METTL25: variants seen among roughly 807,000 people sequenced by gnomAD.
The protein encoded by METTL25 is methyltransferase like 25.
Under a neutral mutation model 71.6 loss-of-function variants are expected in METTL25, and 64 were observed. The observed-to-expected ratio is 0.89, with a 90% CI of 0.73 to 1.10. The LOEUF (loss-of-function observed/expected upper bound fraction) is 1.10, where lower values mean the gene tolerates loss of function less well. Ranked by LOEUF, METTL25 falls within the 50% of genes least tolerant of loss-of-function variation. The probability of loss-of-function intolerance (pLI) is 0.00; values close to 1 mark genes in which losing one functional copy is unlikely to be tolerated. For synonymous variants in METTL25, 287 were observed against 250.3 expected (o/e 1.15, Z -1.38); for missense variants, 807 against 707.0 (o/e 1.14, Z -1.60).
intron 1 of METTL25, among the ~76,000 whole-genome samples, chr12:82,362,922 G>A (rs1882120986): frequency 6.6e-6 from 1 of 151,136 alleles, no homozygotes; most frequent in Non-Finnish European, 1.5e-5. Flanking sequence ...AGAAATATAA[G>A]AAGAGGTTAC....
rs1163114058 is a variant in METTL25 at position 82,386,959 on chromosome 12, A to G, written c.416A>G (p.Gln139Arg). The change falls in exon 2 of 12, where the codon CAG (glutamine) becomes CGG (arginine). Residue 139 changes from glutamine (Q) to arginine (R), a missense_variant. By Grantham distance (43) the Gln-to-Arg change is conservative (BLOSUM62 1). Transcript: ENST00000248306. ...GTAGCCCTTCGAGGAAATCAAAACC[A>G]GAGAATTGGTATGTCTATTTATGTG... The part of the protein sequence containing the change: ...LLVALRGNQN[Q>R]RIGENQKAVE... The G allele has an allele frequency of 6.2e-7, 1 of 1,612,204 alleles. No individual in the cohort carries two copies. The highest frequency in any genetic ancestry group is 1.3e-5 in the African/African-American group (1 of 74,848).
At chr12:82,397,867 GCTATA>G (rs1429828026) in intron 3 of METTL25, among the ~76,000 whole-genome samples, 2 of 151,832 alleles carry the variant, frequency 1.3e-5, no homozygotes, top group Admixed American at 6.6e-5. Flanking sequence ...ACTAGCTGTA[GCTATA>G]CTACACTGTT....
chr12:82,368,393 G>A (rs1882814552), intron 1 of METTL25, among the ~76,000 whole-genome samples: 1 of 152,022 alleles, frequency 6.6e-6, no homozygotes, highest in Non-Finnish European at 1.5e-5. Context: ...CACACCCCTG[G>A]AATTGTAGCT....
chr12:82,450,170 T>A (rs1225556690), intron 8 of METTL25, among the ~76,000 whole-genome samples: 2 of 152,094 alleles, frequency 1.3e-5, no homozygotes, highest in Non-Finnish European at 2.9e-5. Context: ...AACCTCTAAT[T>A]GTTGAGGTGG....
rs1019342165 is a variant in METTL25, at chr12:82,443,284, C to T, written c.1478+4493C>T. Among the ~76,000 whole-genome samples, 8 of 151,364 alleles carry T rather than the reference C, an allele frequency of 5.3e-5. 1 individual carries two copies. The South Asian group carries it at 1.7e-3, about 32-fold the overall frequency. On this transcript the variant is annotated intron_variant, in intron 8 of 11. Transcript: ENST00000248306. ...ACAAAGGGAAAATTCTTAAAGCAGCCAGAGGTGAGAGGAGTGAAGGAGGGA... is the reference window on the plus strand; with the variant it reads ...ACAAAGGGAAAATTCTTAAAGCAGCTAGAGGTGAGAGGAGTGAAGGAGGGA...
At chr12:82,407,773 A>G (rs1364598567) in intron 5 of METTL25, 6 of 977,362 alleles carry the variant, frequency 6.1e-6, no homozygotes, top group Non-Finnish European at 7.3e-6. Flanking sequence ...ATGTGGAAAA[A>G]TAAGTGATAG....
At chr12:82,469,182 C>G (rs1406266722) in intron 9 of METTL25, among the ~76,000 whole-genome samples, 1 of 152,146 alleles carries the variant, frequency 6.6e-6, no homozygotes, top group African/African-American at 2.4e-5. Context: ...TGGTGTTTCT[C>G]ACTTTTTTGG....
At chr12:82,392,069 A>ATT (rs56290985) in intron 3 of METTL25, among the ~76,000 whole-genome samples, 2 of 148,380 alleles carry the variant, frequency 1.3e-5, no homozygotes, top group African/African-American at 4.9e-5. Flanking sequence ...GCCCATTTTT[A>ATT]TTTTTTTATT....
chr12:82,390,899 A>G (rs1885514131), intron 3 of METTL25, among the ~76,000 whole-genome samples: 1 of 152,054 alleles, frequency 6.6e-6, no homozygotes, highest in Non-Finnish European at 1.5e-5. Context: ...GTTTCTAAAT[A>G]TCTTTCAGGT....
chr12:82,359,003 A>T, intron 1 of METTL25, 179 bp downstream of exon 1: 1 of 661,466 alleles, frequency 1.5e-6, no homozygotes, highest in Non-Finnish European at 2.6e-6. Flanking sequence ...TGTTCTTTGG[A>T]ATCAGGATCA....
intron 8 of METTL25, among the ~76,000 whole-genome samples, chr12:82,451,051 G>A (rs1441588025): frequency 2.0e-5 from 3 of 151,364 alleles, no homozygotes; most frequent in Non-Finnish European, 4.4e-5. Flanking sequence ...GTTTCCTTTC[G>A]TTCACCAAGT....
intron 1 of METTL25, among the ~76,000 whole-genome samples, chr12:82,367,732 C>G (rs1484008885): frequency 6.6e-6 from 1 of 152,110 alleles, no homozygotes; most frequent in African/African-American, 2.4e-5. Context: ...TGCTCAAAAC[C>G]CATCAGTAGT....
chr12:82,448,469 T>A (rs1217521907), intron 8 of METTL25, among the ~76,000 whole-genome samples: 1 of 152,054 alleles, frequency 6.6e-6, no homozygotes, highest in Non-Finnish European at 1.5e-5. Context: ...AAGGAATTTC[T>A]TGGATTAAAA....
chr12:82,377,791 C>A (rs780242808), intron 1 of METTL25, among the ~76,000 whole-genome samples: 33 of 152,062 alleles, frequency 2.2e-4, no homozygotes, highest in Non-Finnish European at 4.0e-4. Context: ...TCACAAATCC[C>A]ATTTAATAGC....
intron 3 of METTL25, among the ~76,000 whole-genome samples, chr12:82,392,645 G>A (rs1885703662): frequency 6.6e-6 from 1 of 151,698 alleles, no homozygotes; most frequent in African/African-American, 2.4e-5. Context: ...TCCCATTTTT[G>A]TCCATTGCCC....
intron 5 of METTL25, among the ~76,000 whole-genome samples, chr12:82,409,602 C>A (rs1887391465): frequency 1.3e-5 from 2 of 151,992 alleles, no homozygotes; most frequent in African/African-American, 4.8e-5. Flanking sequence ...CAACTCTTGC[C>A]AGGGTGCAAA....
chr12:82,477,322 T>C lies in METTL25; in HGVS notation c.1689T>C (p.Leu563=), dbSNP rs775198501. 2.5e-5 allele frequency: 39 copies of C among 1,574,224 alleles called. No homozygotes were observed. The highest frequency in any genetic ancestry group is 1.7e-4 in the Admixed American group (9 of 54,022). The change falls in exon 11 of 12, where the codon CTT becomes CTC. Residue 563 remains leucine (L), a synonymous_variant. Transcript: ENST00000248306. ...CTCCCTGTATAGAGACTTTGATTCTTCTGGATCGACTTTGTTACCTGAAAG... is the reference window on the plus strand; with the variant it reads ...CTCCCTGTATAGAGACTTTGATTCTCCTGGATCGACTTTGTTACCTGAAAG... ...VLAPCIETLI[L]LDRLCYLKEQ... is the part of the protein sequence containing the mutation.
intron 5 of METTL25, among the ~76,000 whole-genome samples, chr12:82,404,079 T>G (rs1416098299): frequency 6.6e-6 from 1 of 152,138 alleles, no homozygotes; most frequent in African/African-American, 2.4e-5. Context: ...TGTGACAAGG[T>G]GAAACAGAAA....
In METTL25 at chr12:82,364,133, A is replaced by G. The variant is rs191092463; in HGVS notation, c.259+5309A>G. On this transcript the variant is annotated intron_variant, in intron 1 of 11. Coordinates refer to ENST00000248306, the MANE Select transcript of METTL25 (RefSeq NM_032230.3). Reference sequence around the variant, plus strand: ...TCTCATCAGTTTTTGTGGGTCAGGAATTCAGGAGCAGATTAACTGGGTGGA... The same window carrying G: ...TCTCATCAGTTTTTGTGGGTCAGGAGTTCAGGAGCAGATTAACTGGGTGGA... Among the ~76,000 whole-genome samples, 300 of 152,346 alleles carry G rather than the reference A, an allele frequency of 2.0e-3. 2 individuals are homozygous for G. The highest frequency in any genetic ancestry group is 0.01 in the Middle Eastern group (3 of 294).
Sources: gnomAD v4.1 joint callset for allele counts (sites outside exome capture counted in the v4.1 genomes callset) on GRCh38, gnomAD v4.1.1 for gene constraint, MANE v1.5 for transcripts, NCBI Gene and HGNC (gene_info 2026-07-23, HGNC 2026-07-21) for gene names.